Variants in PPP3CA observed in about 807,000 individuals in gnomAD.
PPP3CA encodes CAM-PRP catalytic subunit.
In PPP3CA, 14 loss-of-function variants were observed where a neutral mutation model predicts 66.5. That is an observed-to-expected ratio of 0.21 (90% CI 0.14 to 0.33). The LOEUF (loss-of-function observed/expected upper bound fraction) is 0.33, where lower values mean the gene tolerates loss of function less well. PPP3CA is among the 10% of genes least tolerant of loss of function. The pLI is 1.00. For missense variants in PPP3CA, 317 were observed against 639.5 expected (o/e 0.50, Z 5.44); for synonymous variants, 232 against 226.2 (o/e 1.03, Z -0.23).
rs1264726081 is a variant in PPP3CA, at chr4:101,347,175, C to A, written c.-379G>T. 5.4e-6 allele frequency: 2 copies of A among 373,382 alleles called. No individual in the cohort carries two copies. Among genetic ancestry groups the A allele is most frequent in the Middle Eastern group, 8.1e-4 (1 of 1,236 alleles). The allele number at this position is 373,382 out of a possible 1,614,324, so 23.1% of individuals were successfully genotyped here. On this transcript the variant is annotated 5_prime_UTR_variant, in exon 1 of 14. Transcript: ENST00000394854. ...ACCCCGGCACGGAGACCCAGCACCG[C>A]GGAATGGAGCCCCACGCGCGCACAC...
At chr4:101,109,571 A>G (rs1721595006) in intron 2 of PPP3CA, among the ~76,000 whole-genome samples, 1 of 149,802 alleles carries the variant, frequency 6.7e-6, no homozygotes, top group Non-Finnish European at 1.5e-5. Flanking sequence ...AAAGAAATGT[A>G]GATATGTATC....
intron 1 of PPP3CA, among the ~76,000 whole-genome samples, chr4:101,229,494 TTCTC>T (rs1305543838): frequency 2.0e-5 from 3 of 151,886 alleles, no homozygotes; most frequent in Middle Eastern, 6.8e-3. Context: ...TGATAGCCTC[TTCTC>T]TCTAAAAGTT....
intron 1 of PPP3CA, among the ~76,000 whole-genome samples, chr4:101,229,835 T>C (rs529823403): frequency 1.3e-5 from 2 of 151,492 alleles, no homozygotes; most frequent in African/African-American, 2.4e-5. Flanking sequence ...GCTTTGTGAG[T>C]AGCAGTTGTT....
intron 1 of PPP3CA, among the ~76,000 whole-genome samples, chr4:101,204,353 T>C (rs1056171926): frequency 1.3e-5 from 2 of 151,998 alleles, no homozygotes; most frequent in Non-Finnish European, 2.9e-5. Context: ...TACACACAAG[T>C]AGGCCGGGCT....
intron 10 of PPP3CA, among the ~76,000 whole-genome samples, chr4:101,042,789 T>A (rs1727582339): frequency 6.6e-6 from 1 of 150,598 alleles, no homozygotes; most frequent in Non-Finnish European, 1.5e-5. Flanking sequence ...CAAGAGACCA[T>A]GAAAAGACTT....
At chr4:101,333,253 A>G (rs1356202226) in intron 1 of PPP3CA, among the ~76,000 whole-genome samples, 1 of 128,564 alleles carries the variant, frequency 7.8e-6, no homozygotes, top group Non-Finnish European at 1.6e-5. Context: ...GACTACAGGC[A>G]TGCACTACCA....
intron 2 of PPP3CA, among the ~76,000 whole-genome samples, chr4:101,184,150 GA>G (rs1229738841): frequency 6.6e-6 from 1 of 152,166 alleles, no homozygotes; most frequent in Non-Finnish European, 1.5e-5. Flanking sequence ...AACTGAAAGA[GA>G]AAGAAATAGG....
chr4:101,185,951 T>C (rs1382340502), intron 2 of PPP3CA, among the ~76,000 whole-genome samples: 2 of 152,214 alleles, frequency 1.3e-5, no homozygotes, highest in African/African-American at 2.4e-5. Context: ...GCTGAGTTCA[T>C]TCATTGCTTA....
intron 2 of PPP3CA, among the ~76,000 whole-genome samples, chr4:101,185,792 A>C (rs868020303): frequency 6.6e-6 from 1 of 152,156 alleles, no homozygotes; most frequent in African/African-American, 2.4e-5. Context: ...TAATATTTTA[A>C]TGGAAGGGTC....
intron 1 of PPP3CA, among the ~76,000 whole-genome samples, chr4:101,338,741 CAGG>C (rs1401980323): frequency 6.6e-6 from 1 of 152,148 alleles, no homozygotes; most frequent in Non-Finnish European, 1.5e-5. Flanking sequence ...ACTGAATGAT[CAGG>C]AGAACATTTG....
intron 6 of PPP3CA, among the ~76,000 whole-genome samples, chr4:101,088,870 A>T (rs1729789207): frequency 6.6e-6 from 1 of 152,192 alleles, no homozygotes; most frequent in South Asian, 2.1e-4. Flanking sequence ...ATTTATAAAG[A>T]TGTGATGACT....
At chr4:101,329,584 T>C (rs572895047) in intron 1 of PPP3CA, among the ~76,000 whole-genome samples, 5 of 152,140 alleles carry the variant, frequency 3.3e-5, no homozygotes, top group African/African-American at 4.8e-5. Context: ...CCTAGGACTT[T>C]CACAGCTAGA....
At chr4:101,282,700 C>A (rs114635652) in intron 1 of PPP3CA, among the ~76,000 whole-genome samples, 2,106 of 152,212 alleles carry the variant, frequency 0.014, 51 homozygotes, top group African/African-American at 0.048. Context: ...TGCTTAAACA[C>A]CCTAGCAAGC....
At chr4:101,100,909 ATC>A (rs991321885) in intron 3 of PPP3CA, among the ~76,000 whole-genome samples, 6 of 152,146 alleles carry the variant, frequency 3.9e-5, no homozygotes, top group Admixed American at 2.0e-4. Context: ...AAGAGTAATC[ATC>A]TCTCTTAGCT....
intron 1 of PPP3CA, among the ~76,000 whole-genome samples, chr4:101,202,532 G>A (rs1204460367): frequency 1.3e-5 from 2 of 152,182 alleles, no homozygotes; most frequent in Non-Finnish European, 2.9e-5. Context: ...AAAACATGCT[G>A]TCTGGGAGAG....
rs1333743399 is a variant in PPP3CA at position 101,040,496 on chromosome 4, C to G, written c.1227G>C (p.Val409=). Residue 409 remains valine, a synonymous_variant, in exon 11 of 14, where the codon GTG becomes GTC. Transcript: ENST00000394854. ...KIRAIGKMAR[V]FSVLREESES... ...AATGCACCCACCTGAGCACTGAGAACACTCTGGCCATTTTGCCTATTGCTC... is the reference window on the plus strand; with the variant it reads ...AATGCACCCACCTGAGCACTGAGAAGACTCTGGCCATTTTGCCTATTGCTC... The G allele has an allele frequency of 1.2e-6, 2 of 1,612,186 alleles. No homozygotes were observed. The highest frequency in any genetic ancestry group is 1.7e-6 in the Non-Finnish European group (2 of 1,179,136).
intron 1 of PPP3CA, among the ~76,000 whole-genome samples, chr4:101,200,495 C>T (rs950255337): frequency 2.6e-5 from 4 of 152,084 alleles, no homozygotes; most frequent in African/African-American, 9.7e-5. Flanking sequence ...GTATCAGAAA[C>T]AGGCTACCTA....
intron 8 of PPP3CA, among the ~76,000 whole-genome samples, chr4:101,064,620 G>T (rs780043385): frequency 2.0e-5 from 3 of 151,840 alleles, no homozygotes; most frequent in Admixed American, 6.6e-5. Flanking sequence ...GACACATCTT[G>T]GTATCTGCCT....
chr4:101,035,173 A>C (rs1727184962), intron 11 of PPP3CA, among the ~76,000 whole-genome samples: 1 of 152,128 alleles, frequency 6.6e-6, no homozygotes, highest in Non-Finnish European at 1.5e-5. Flanking sequence ...GGAGGCTGAG[A>C]CATGAGAATT....
Sources: gnomAD v4.1 joint callset for allele counts (sites outside exome capture counted in the v4.1 genomes callset) on GRCh38, gnomAD v4.1.1 for gene constraint, MANE v1.5 for transcripts, NCBI Gene and HGNC (gene_info 2026-07-23, HGNC 2026-07-21) for gene names.